The following PLAAT1 variants were observed in gnomAD, a reference collection of about 807,000 sequenced individuals.
The protein encoded by PLAAT1 is H-REV107 protein-related protein.
PLAAT1 carries 13 observed loss-of-function variants against 16.4 expected under a neutral mutation model. That is an observed-to-expected ratio of 0.79 (90% CI 0.52 to 1.26). The LOEUF (loss-of-function observed/expected upper bound fraction) is 1.26, where lower values mean the gene tolerates loss of function less well. Ranked by LOEUF, PLAAT1 falls within the 50% of genes most tolerant of loss-of-function variation. PLAAT1 has a pLI of 0.00. For synonymous variants in PLAAT1, 73 were observed against 78.4 expected, an observed-to-expected ratio of 0.93 and a Z score of 0.36; for missense variants, 218 against 207.8, an observed-to-expected ratio of 1.05 and a Z score of -0.30.
intron 1 of PLAAT1, among the ~76,000 whole-genome samples, chr3:193,251,084 C>T (rs1405438215): frequency 6.6e-6 from 1 of 152,118 alleles, no homozygotes; most frequent in Non-Finnish European, 1.5e-5. Flanking sequence ...GTCTTCTAGT[C>T]TGGAGTTATC....
intron 1 of PLAAT1, among the ~76,000 whole-genome samples, chr3:193,251,122 A>G (rs990526259): frequency 6.6e-6 from 1 of 152,182 alleles, no homozygotes; most frequent in Non-Finnish European, 1.5e-5. Flanking sequence ...AAAAAGATAC[A>G]GGAATGCCCT....
intron 2 of PLAAT1, 28 bp downstream of exon 2, chr3:193,255,817 G>T: frequency 6.5e-7 from 1 of 1,542,038 alleles, no homozygotes; most frequent in South Asian, 1.3e-5. Context: ...TGGCTCCTGG[G>T]AGCAAAGTTT....
intron 1 of PLAAT1, among the ~76,000 whole-genome samples, chr3:193,251,380 G>T (rs893198438): frequency 8.5e-5 from 13 of 152,124 alleles, no homozygotes; most frequent in African/African-American, 3.1e-4. Context: ...CCCAGATACC[G>T]GTGTATTACA....
chr3:193,251,951 A>T (rs887434948), intron 1 of PLAAT1, among the ~76,000 whole-genome samples: 1 of 152,164 alleles, frequency 6.6e-6, no homozygotes, highest in Non-Finnish European at 1.5e-5. Context: ...CCTAATGACT[A>T]ATGGCTTCCT....
chr3:193,259,109 A>C (rs934648671), intron 2 of PLAAT1, among the ~76,000 whole-genome samples: 3 of 152,232 alleles, frequency 2.0e-5, no homozygotes, highest in Non-Finnish European at 4.4e-5. Context: ...CAAATCCATA[A>C]ATATGATTCA....
At chr3:193,257,216 C>T (rs1202779738) in intron 2 of PLAAT1, among the ~76,000 whole-genome samples, 1 of 152,168 alleles carries the variant, frequency 6.6e-6, no homozygotes, top group Admixed American at 6.5e-5. Context: ...AGACTCCAAT[C>T]ACTCCAGTGT....
At chr3:193,257,234 A>G (rs532522032) in intron 2 of PLAAT1, among the ~76,000 whole-genome samples, 10 of 152,292 alleles carry the variant, frequency 6.6e-5, no homozygotes, top group African/African-American at 2.4e-4. Flanking sequence ...TGTGAGCCCC[A>G]TGTTCATCGC....
At chr3:193,270,300 C>G (rs1364949446) in intron 3 of PLAAT1, among the ~76,000 whole-genome samples, 1 of 152,172 alleles carries the variant, frequency 6.6e-6, no homozygotes, top group African/African-American at 2.4e-5. Context: ...TAACCTCTTT[C>G]ACCAGTGTAC....
intron 3 of PLAAT1, among the ~76,000 whole-genome samples, chr3:193,267,258 C>T (rs569592127): frequency 2.0e-5 from 3 of 152,138 alleles, no homozygotes; most frequent in South Asian, 2.1e-4. Context: ...GGTTATGTTA[C>T]GAATTCTATG....
rs758033296 is a variant in PLAAT1, at chr3:193,262,959, C to A, written c.140-11C>A. On this transcript the variant is annotated splice_polypyrimidine_tract_variant and intron_variant, in intron 2 of 3. Transcript: ENST00000264735. ...TCACTATACCTTACTAACCAGAATTCTACTTTATAGATGGCATTCCTGCGT... is the reference window on the plus strand; with the variant it reads ...TCACTATACCTTACTAACCAGAATTATACTTTATAGATGGCATTCCTGCGT... The A allele has an allele frequency of 2.5e-6, 4 of 1,613,818 alleles. No individual in the cohort carries two copies. The South Asian group carries it at 4.4e-5, about 18-fold the overall frequency.
rs1438779500 is a variant in PLAAT1 at position 193,241,276 on chromosome 3, C to T, written c.-258C>T. On this transcript the variant is annotated 5_prime_UTR_variant, in exon 1 of 4. Transcript: ENST00000264735. ...CCGGACGCCGAGCCCAGCGCGTCGG[C>T]CCCCCGGCGTGCGGGCGTCTCAGAG... is the stretch of plus-strand genomic sequence containing the variant. 6.5e-6 allele frequency: 8 copies of T among 1,229,190 alleles called. No individual in the cohort carries two copies. The East Asian group carries it at 9.5e-5, about 15-fold the overall frequency. 76.1% of individuals were successfully genotyped at this position (1,229,190 alleles called of 1,614,324 possible).
At chr3:193,252,011 A>G (rs1406513839) in intron 1 of PLAAT1, among the ~76,000 whole-genome samples, 1 of 152,142 alleles carries the variant, frequency 6.6e-6, no homozygotes, top group East Asian at 1.9e-4. Flanking sequence ...GCATTACTAT[A>G]AAGGAATATT....
At chr3:193,242,386 C>T (rs1289118013) in intron 1 of PLAAT1, among the ~76,000 whole-genome samples, 1 of 152,004 alleles carries the variant, frequency 6.6e-6, no homozygotes, top group Non-Finnish European at 1.5e-5. Context: ...ACAATCCGAC[C>T]TGGGGAGTGG....
chr3:193,270,547 G>A (rs1716949864), intron 3 of PLAAT1, 57 bp from the exon 4 acceptor site: 15 of 1,527,680 alleles, frequency 9.8e-6, no homozygotes, highest in Middle Eastern at 1.7e-4. Context: ...CTTCATTTAG[G>A]ACACAGATGT....
chr3:193,275,375 G>A, downstream of PLAAT1: 2 of 1,537,240 alleles, frequency 1.3e-6, no homozygotes, highest in Non-Finnish European at 8.8e-7. Context: ...GGCCACCACA[G>A]CCACCTCCTT....
chr3:193,269,350 G>A (rs931813738), intron 3 of PLAAT1, among the ~76,000 whole-genome samples: 1 of 152,224 alleles, frequency 6.6e-6, no homozygotes, highest in African/African-American at 2.4e-5. Context: ...AGCAGAGACA[G>A]TGGGCCACAA....
intron 3 of PLAAT1, among the ~76,000 whole-genome samples, chr3:193,270,107 C>T (rs1028624504): frequency 2.0e-5 from 3 of 151,870 alleles, no homozygotes; most frequent in African/African-American, 4.8e-5. Context: ...CACACACACT[C>T]TTACACGATA....
chr3:193,264,727 C>G (rs1172250019), intron 3 of PLAAT1, among the ~76,000 whole-genome samples: 1 of 152,140 alleles, frequency 6.6e-6, no homozygotes, highest in Admixed American at 6.5e-5. Flanking sequence ...GTTGGCCAGG[C>G]TGGTCTCAAA....
At chr3:193,261,243 C>CT (rs1303356024) in intron 2 of PLAAT1, among the ~76,000 whole-genome samples, 1 of 152,004 alleles carries the variant, frequency 6.6e-6, no homozygotes, top group Non-Finnish European at 1.5e-5. Flanking sequence ...TGGCAGGCAC[C>CT]TGCAATTCTA....
Sources: gnomAD v4.1 joint callset for allele counts (sites outside exome capture counted in the v4.1 genomes callset) on GRCh38, gnomAD v4.1.1 for gene constraint, MANE v1.5 for transcripts, NCBI Gene and HGNC (gene_info 2026-07-23, HGNC 2026-07-21) for gene names.